KCNK2: variants seen among roughly 807,000 people sequenced by gnomAD.
KCNK2 encodes potassium two pore domain channel subfamily K member 2.
KCNK2 carries 21 observed loss-of-function variants against 40.5 expected under a neutral mutation model. The ratio of observed to expected loss-of-function variants is 0.52; its 90% CI spans 0.37 to 0.75. KCNK2 has a LOEUF of 0.75. Among genes scored for constraint, KCNK2 ranks in the 30% least tolerant of loss-of-function variants. KCNK2 has a pLI of 0.00. For missense variants in KCNK2, 399 were observed against 531.6 expected (o/e 0.75, Z 2.45); for synonymous variants, 191 against 202.2 (o/e 0.94, Z 0.47).
chr1:215,168,858 T>G (rs1004824857), intron 3 of KCNK2, among the ~76,000 whole-genome samples: 1 of 151,548 alleles, frequency 6.6e-6, no homozygotes, highest in African/African-American at 2.4e-5. Context: ...TCCCAGAACT[T>G]AAAGCAAAAA....
chr1:215,031,863 T>A (rs1657203602), intron 1 of KCNK2, among the ~76,000 whole-genome samples: 2 of 152,190 alleles, frequency 1.3e-5, no homozygotes, highest in South Asian at 4.1e-4. Flanking sequence ...TTAAAATGCT[T>A]GTCCTAGAGT....
At chr1:215,176,697 C>T (rs984406182) in intron 5 of KCNK2, among the ~76,000 whole-genome samples, 9 of 152,148 alleles carry the variant, frequency 5.9e-5, no homozygotes, top group Admixed American at 5.2e-4. Context: ...CATAGTATTC[C>T]ATGGTATATA....
chr1:215,148,925 A>T (rs779550933), intron 3 of KCNK2, among the ~76,000 whole-genome samples: 6 of 152,180 alleles, frequency 3.9e-5, no homozygotes, highest in Non-Finnish European at 7.4e-5. Flanking sequence ...GAATCGGGAA[A>T]GTTCAGCTTA....
At chr1:215,201,073 A>G (rs1665063134) in intron 6 of KCNK2, among the ~76,000 whole-genome samples, 1 of 152,174 alleles carries the variant, frequency 6.6e-6, no homozygotes, top group African/African-American at 2.4e-5. Context: ...GTTAGTCAAT[A>G]GTGGAGGTAA....
At chr1:215,206,215 A>C (rs746057078) in intron 6 of KCNK2, among the ~76,000 whole-genome samples, 6 of 152,186 alleles carry the variant, frequency 3.9e-5, no homozygotes, top group Non-Finnish European at 7.3e-5. Flanking sequence ...TGTATGTAAA[A>C]TTTCCATAAG....
rs1020489608 is a variant in KCNK2 at position 215,086,773 on chromosome 1, C to A, written c.357+95C>A. Reference sequence around the variant, plus strand: ...TGTAGCCCAGTGTATTACAGGTGTGCTGGTGGGAGCCCTATCCCACCTCAT... The same window carrying A: ...TGTAGCCCAGTGTATTACAGGTGTGATGGTGGGAGCCCTATCCCACCTCAT... On this transcript the variant is annotated intron_variant, in intron 2 of 6. Coordinates refer to ENST00000444842, the MANE Select transcript of KCNK2 (RefSeq NM_001017425.3). 9 of 1,132,740 alleles carry A rather than the reference C, an allele frequency of 7.9e-6. No homozygotes were observed. The African/African-American group carries it at 9.2e-5, about 12-fold the overall frequency. The allele number at this position is 1,132,740 out of a possible 1,614,324, so 70.2% of individuals were successfully genotyped here. A position where few individuals can be genotyped will look rare whatever the true frequency, so the allele number is the denominator to read the frequency against.
chr1:215,108,842 G>T (rs1341621484), intron 2 of KCNK2, among the ~76,000 whole-genome samples: 2 of 151,826 alleles, frequency 1.3e-5, no homozygotes, highest in South Asian at 2.1e-4. Context: ...GTGTGTGAGG[G>T]GTTGGGGAGA....
intron 6 of KCNK2, among the ~76,000 whole-genome samples, chr1:215,196,003 C>A (rs76196826): frequency 0.023 from 3,466 of 152,054 alleles, 57 homozygotes; most frequent in Non-Finnish European, 0.03. Context: ...TAAGTATACA[C>A]CCAAAAGAAA....
intron 3 of KCNK2, among the ~76,000 whole-genome samples, chr1:215,158,456 C>A (rs1412836895): frequency 6.6e-6 from 1 of 152,130 alleles, no homozygotes. Flanking sequence ...ATTTCTTATG[C>A]TCTTTTAACT....
chr1:215,212,128 A>C (rs1375600578), intron 6 of KCNK2, among the ~76,000 whole-genome samples: 1 of 152,166 alleles, frequency 6.6e-6, no homozygotes, highest in Non-Finnish European at 1.5e-5. Context: ...AAGCTAGTTC[A>C]AAACTTTATA....
chr1:215,188,422 G>A (rs1028516966), intron 5 of KCNK2, among the ~76,000 whole-genome samples: 1 of 152,048 alleles, frequency 6.6e-6, no homozygotes, highest in Non-Finnish European at 1.5e-5. Flanking sequence ...CAGTCTTCTT[G>A]GAATTACATT....
chr1:215,029,979 G>A (rs1476680582), intron 1 of KCNK2, among the ~76,000 whole-genome samples: 2 of 152,214 alleles, frequency 1.3e-5, no homozygotes, highest in African/African-American at 4.8e-5. Flanking sequence ...AGCTTTGTGA[G>A]AAATTGCCAA....
chr1:215,151,001 CTTTG>C (rs1662664371), intron 3 of KCNK2, among the ~76,000 whole-genome samples: 1 of 151,760 alleles, frequency 6.6e-6, no homozygotes, highest in Admixed American at 6.6e-5. Flanking sequence ...GATAGATATT[CTTTG>C]TCATGATAAA....
intron 1 of KCNK2, chr1:215,083,695 C>G: frequency 1.8e-6 from 1 of 563,942 alleles, no homozygotes; most frequent in Non-Finnish European, 3.2e-6. Context: ...GGGGGAGTTT[C>G]CCATGGAGAA....
chr1:215,181,106 A>T (rs1664200550), intron 5 of KCNK2, among the ~76,000 whole-genome samples: 1 of 152,106 alleles, frequency 6.6e-6, no homozygotes, highest in African/African-American at 2.4e-5. Flanking sequence ...AGTTCAAAAG[A>T]TTAGAGTTCA....
At chr1:215,030,235 G>A (rs1390310520) in intron 1 of KCNK2, among the ~76,000 whole-genome samples, 3 of 152,252 alleles carry the variant, frequency 2.0e-5, no homozygotes, top group South Asian at 2.1e-4. Flanking sequence ...TCTTTGACCC[G>A]TTTTTTAATT....
At chr1:215,162,226 T>C (rs1663231598) in intron 3 of KCNK2, among the ~76,000 whole-genome samples, 1 of 152,232 alleles carries the variant, frequency 6.6e-6, no homozygotes, top group Non-Finnish European at 1.5e-5. Context: ...TGTCTTCTTT[T>C]GAGAAGTGTA....
chr1:215,026,057 G>A (rs1656988799), intron 1 of KCNK2, among the ~76,000 whole-genome samples: 1 of 151,718 alleles, frequency 6.6e-6, no homozygotes, highest in Admixed American at 6.6e-5. Context: ...TAGGGTTAAA[G>A]TGATCATTTA....
At position 215,236,045 on chromosome 1, in the gene KCNK2, A is replaced by AATCAATCT. The variant is rs1553277250; in HGVS notation, c.*903_*904insAATCTATC. The AATCAATCT allele has an allele frequency of 1.4e-5, 2 of 144,302 alleles. No homozygotes were observed. Among genetic ancestry groups the AATCAATCT allele is most frequent in the African/African-American group, 2.7e-5 (1 of 37,618 alleles). The allele number at this position is 144,302 out of a possible 1,614,324, so 8.9% of individuals were successfully genotyped here. On this transcript the variant is annotated 3_prime_UTR_variant, in exon 7 of 7. Coordinates refer to ENST00000444842, the MANE Select transcript of KCNK2 (RefSeq NM_001017425.3). The stretch of plus-strand genomic sequence containing the variant: ...TACATTTTTAAAGGCAGAAGAAGAA[A>AATCAATCT]ATCTATCTATCTATCTATCTATCTA...
Sources: allele counts gnomAD v4.1 joint callset (sites outside exome capture counted in the v4.1 genomes callset), GRCh38; gene constraint gnomAD v4.1.1; transcripts MANE v1.5; gene names NCBI Gene and HGNC (gene_info 2026-07-23, HGNC 2026-07-21).